NIPBL: variants seen among roughly 807,000 people sequenced by gnomAD.
NIPBL encodes the protein nipped-B-like protein.
Under a neutral mutation model 321.8 loss-of-function variants are expected in NIPBL, and 19 were observed. The ratio of observed to expected loss-of-function variants is 0.06; its 90% CI spans 0.04 to 0.09. The LOEUF (loss-of-function observed/expected upper bound fraction) is 0.09, where lower values mean the gene tolerates loss of function less well. NIPBL is among the 10% of genes least tolerant of loss of function. NIPBL has a pLI of 1.00. For synonymous variants in NIPBL, 1,106 were observed against 1,114.1 expected (o/e 0.99, Z 0.14); for missense variants, 2,210 against 3,327.0 (o/e 0.66, Z 8.26).
chr5:36,954,157 G>A (rs1396236296), intron 2 of NIPBL, among the ~76,000 whole-genome samples: 1 of 152,110 alleles, frequency 6.6e-6, no homozygotes, highest in African/African-American at 2.4e-5. Context: ...TACAATTTTA[G>A]TTACTGTGTC....
intron 1 of NIPBL, among the ~76,000 whole-genome samples, chr5:36,931,785 GT>G (rs70976266): frequency 0.42 from 58,119 of 138,134 alleles, 13,541 homozygotes; most frequent in Non-Finnish European, 0.55. Context: ...TATGTCTCTG[GT>G]TTTTTTTTTT....
intron 1 of NIPBL, among the ~76,000 whole-genome samples, chr5:36,889,650 A>C (rs576022925): frequency 1.6e-4 from 25 of 152,312 alleles, no homozygotes; most frequent in African/African-American, 6.0e-4. Context: ...CTAGCTGTTG[A>C]GCCACATTGC....
At chr5:36,979,783 A>G (rs1743929783) in intron 9 of NIPBL, among the ~76,000 whole-genome samples, 1 of 151,746 alleles carries the variant, frequency 6.6e-6, no homozygotes, top group East Asian at 1.9e-4. Context: ...GAAAAAAGTA[A>G]TATTACTCAG....
intron 1 of NIPBL, among the ~76,000 whole-genome samples, chr5:36,948,886 G>C (rs545398038): frequency 1.3e-5 from 2 of 151,666 alleles, no homozygotes; most frequent in Non-Finnish European, 3.0e-5. Context: ...ACTGTCACAT[G>C]GTGTAGTATA....
At chr5:37,061,139 AG>A (rs1267226054) in intron 45 of NIPBL, 121 bp downstream of exon 45, 22 of 725,616 alleles carry the variant, frequency 3.0e-5, no homozygotes, top group Middle Eastern at 3.5e-4. Context: ...TGAACTATCA[AG>A]ATAATTTTTC....
chr5:36,933,383 G>T (rs185545272), intron 1 of NIPBL, among the ~76,000 whole-genome samples: 9 of 152,074 alleles, frequency 5.9e-5, no homozygotes, highest in South Asian at 2.1e-4. Context: ...AAAAGGGTCT[G>T]TGGAAATAAT....
At chr5:36,933,912 A>C (rs1435977878) in intron 1 of NIPBL, among the ~76,000 whole-genome samples, 1 of 143,602 alleles carries the variant, frequency 7.0e-6, no homozygotes, top group African/African-American at 2.8e-5. Flanking sequence ...TTTCTTAATA[A>C]GAGTATGGGG....
intron 38 of NIPBL, among the ~76,000 whole-genome samples, chr5:37,047,605 T>G (rs1484455388): frequency 2.0e-5 from 3 of 152,200 alleles, no homozygotes; most frequent in African/African-American, 7.2e-5. Flanking sequence ...AAACTAATAG[T>G]GTTACAAGTA....
At chr5:36,887,206 A>G (rs1438420595) in intron 1 of NIPBL, among the ~76,000 whole-genome samples, 2 of 152,186 alleles carry the variant, frequency 1.3e-5, no homozygotes, top group Admixed American at 6.5e-5. Flanking sequence ...TCTACCAAGC[A>G]TGTGAAATAG....
chr5:36,909,554 T>A (rs891819361), intron 1 of NIPBL, among the ~76,000 whole-genome samples: 4 of 152,094 alleles, frequency 2.6e-5, no homozygotes, highest in Admixed American at 2.6e-4. Flanking sequence ...CATAAAAAAT[T>A]ATTTGCCAGG....
rs60396469 is a variant in NIPBL at position 36,896,666 on chromosome 5, C to T, written c.-80+19488C>T. 7.8e-3 allele frequency among the ~76,000 whole-genome samples: 1,191 copies of T among 152,308 alleles called. 22 individuals carry two copies. Among genetic ancestry groups the T allele is most frequent in the African/African-American group, 0.027 (1,131 of 41,572 alleles). On this transcript the variant is annotated intron_variant, in intron 1 of 46. Transcript: ENST00000282516. ...CCAGGCTGGAGAGCAGTGGCATGATCTTGGCTCACTGTAAAGTCCGCCTCC... is the reference window on the plus strand; with the variant it reads ...CCAGGCTGGAGAGCAGTGGCATGATTTTGGCTCACTGTAAAGTCCGCCTCC...
At chr5:37,027,497 G>A in intron 32 of NIPBL, 85 bp downstream of exon 32, 1 of 887,542 alleles carries the variant, frequency 1.1e-6, no homozygotes, top group Non-Finnish European at 1.8e-6. Context: ...TGGACTGTAT[G>A]ATTTAAAAGA....
At position 36,992,717 on chromosome 5, in the gene NIPBL, TA is replaced by T. The variant is rs1440532936; in HGVS notation, c.3122-2904del. Among the ~76,000 whole-genome samples the T allele has an allele frequency of 1.1e-3, 132 of 116,982 alleles. 1 individual carries two copies. Among genetic ancestry groups the T allele is most frequent in the African/African-American group, 4.6e-3 (128 of 27,576 alleles). The allele number at this position is 116,982 out of a possible 152,430, so 76.7% of individuals were successfully genotyped here. On this transcript the variant is annotated intron_variant, in intron 10 of 46. Coordinates refer to ENST00000282516, the MANE Select transcript of NIPBL (RefSeq NM_133433.4). The stretch of plus-strand genomic sequence containing the variant: ...ATATGGGAAAGTCATGCATTTTATT[TA>T]TTTATTTATTTATTTATTTATTTAT...
At chr5:36,884,323 A>C (rs1745725782) in intron 1 of NIPBL, among the ~76,000 whole-genome samples, 1 of 152,160 alleles carries the variant, frequency 6.6e-6, no homozygotes, top group Admixed American at 6.5e-5. Context: ...AAATTCTGAG[A>C]TCTTCCTAAG....
intron 20 of NIPBL, 111 bp from the exon 21 acceptor site, chr5:37,009,976 A>T: frequency 1.2e-6 from 1 of 846,880 alleles, no homozygotes; most frequent in Non-Finnish European, 2.0e-6. Flanking sequence ...AAGCACTAAG[A>T]TCATGCCTAG....
At chr5:36,895,022 T>C (rs1047203004) in intron 1 of NIPBL, among the ~76,000 whole-genome samples, 2 of 152,146 alleles carry the variant, frequency 1.3e-5, no homozygotes, top group Non-Finnish European at 2.9e-5. Context: ...AACTGTAAAA[T>C]TCACCCTTTT....
At chr5:37,055,591 A>T (rs1161279429) in intron 42 of NIPBL, among the ~76,000 whole-genome samples, 1 of 152,088 alleles carries the variant, frequency 6.6e-6, no homozygotes, top group Non-Finnish European at 1.5e-5. Flanking sequence ...AGAAGATTTC[A>T]TGAAGGAAAG....
intron 24 of NIPBL, among the ~76,000 whole-genome samples, chr5:37,019,001 G>A (rs992242882): frequency 6.6e-6 from 1 of 152,080 alleles, no homozygotes; most frequent in South Asian, 2.1e-4. Flanking sequence ...TACTAGGGAG[G>A]CTGAGGTAGG....
intron 1 of NIPBL, chr5:36,886,471 A>C (rs1745914789): frequency 1.3e-6 from 1 of 757,320 alleles, no homozygotes; most frequent in African/African-American, 1.7e-5. Context: ...GTCTGAGACC[A>C]GTGACACCAA....
Sources: gnomAD v4.1 joint callset for allele counts (sites outside exome capture counted in the v4.1 genomes callset) on GRCh38, gnomAD v4.1.1 for gene constraint, MANE v1.5 for transcripts, NCBI Gene and HGNC (gene_info 2026-07-23, HGNC 2026-07-21) for gene names.